GEMIN5: variants seen among roughly 807,000 people sequenced by gnomAD.
GEMIN5 encodes the protein gem-associated protein 5.
In GEMIN5, 124 loss-of-function variants were observed where a neutral mutation model predicts 176.9. The ratio of observed to expected loss-of-function variants is 0.70; its 90% CI spans 0.61 to 0.81. The LOEUF is 0.81. Ranked by LOEUF, GEMIN5 falls within the 40% of genes least tolerant of loss-of-function variation. The pLI is 0.00. For missense variants in GEMIN5, 1,843 were observed against 1,814.6 expected, an observed-to-expected ratio of 1.02 and a Z score of -0.28; for synonymous variants, 673 against 665.2, an observed-to-expected ratio of 1.01 and a Z score of -0.18.
At position 154,892,371 on chromosome 5, in the gene GEMIN5, G is replaced by A. The variant is rs372410062; in HGVS notation, c.3760+16C>T. ...TCCATTAAAGGGTGTGCCTCAGGCA[G>A]CAGGAAGTCACTTACCGTCAGGGAG... On this transcript the variant is annotated intron_variant, in intron 25 of 27. Coordinates refer to ENST00000285873, the MANE Select transcript of GEMIN5 (RefSeq NM_015465.5). 9.0e-5 allele frequency: 145 copies of A among 1,606,120 alleles called. No individual in the cohort carries two copies. Among genetic ancestry groups the A allele is most frequent in the Middle Eastern group, 1.7e-4 (1 of 6,060 alleles).
chr5:154,937,622 G>T (rs1764296668), intron 1 of GEMIN5, among the ~76,000 whole-genome samples: 1 of 152,208 alleles, frequency 6.6e-6, no homozygotes, highest in South Asian at 2.1e-4. Flanking sequence ...CTTGCTTAGG[G>T]CCTGCAGCTG....
Position 154,888,199 on chromosome 5 carries a change from T to C in GEMIN5, c.*11A>G. ...TTTCAATTTGGCAGTTTCTTCAAGG[T>C]GTGTGAAAATTCACATACAGAAGGT... On this transcript the variant is annotated 3_prime_UTR_variant, in exon 28 of 28. Coordinates refer to ENST00000285873, the MANE Select transcript of GEMIN5 (RefSeq NM_015465.5). 6.2e-7 allele frequency: 1 copy of C among 1,613,456 alleles called. No individual in the cohort carries two copies. The highest frequency in any genetic ancestry group is 8.5e-7 in the Non-Finnish European group (1 of 1,179,422).
chr5:154,913,066 C>A, intron 13 of GEMIN5, 28 bp from the exon 14 acceptor site: 1 of 1,566,046 alleles, frequency 6.4e-7, no homozygotes, highest in Non-Finnish European at 8.7e-7. Context: ...GACATCACTG[C>A]TGCTACTACT....
intron 23 of GEMIN5, 56 bp from the exon 24 acceptor site, chr5:154,896,399 C>CA: frequency 6.7e-7 from 1 of 1,492,434 alleles, no homozygotes; most frequent in Non-Finnish European, 8.9e-7. Flanking sequence ...ACTGGATGAT[C>CA]TCGAGAGCTC....
Position 154,899,312 on chromosome 5 carries a change from TA to T in GEMIN5, c.3015-3del. 1 of 1,610,208 alleles carries T rather than the reference TA, an allele frequency of 6.2e-7. No individual in the cohort carries two copies. The highest frequency in any genetic ancestry group is 8.5e-7 in the Non-Finnish European group (1 of 1,178,078). ...GCCTTGGCAATCGCAATAGCTTCCCTAAAGGCAAGAACAGACCCTTTAGCCA... is the reference window on the plus strand; with the variant it reads ...GCCTTGGCAATCGCAATAGCTTCCCTAAGGCAAGAACAGACCCTTTAGCCA... On this transcript the variant is annotated splice_polypyrimidine_tract_variant and splice_region_variant and intron_variant, in intron 21 of 27. Transcript: ENST00000285873.
Position 154,926,068 on chromosome 5 carries a change from AT to A in GEMIN5, c.1086del (p.Lys362AsnfsTer5). On this transcript the variant is annotated frameshift_variant, in exon 8 of 28. Coordinates refer to ENST00000285873, the MANE Select transcript of GEMIN5 (RefSeq NM_015465.5). LOFTEE classifies it high-confidence loss of function. ...LLSTSMDRDVKCWDIATLECS... is the reference protein window; with the variant it reads ...LLSTSMDRDVXCWDIATLECS... ...CACTCCAAGGTGGCTATGTCCCAAC[AT>A]TTTACCTGCAAAGATTAACGGTAAG... 2 of 1,606,064 alleles carry A rather than the reference AT, an allele frequency of 1.2e-6. No individual in the cohort carries two copies. The highest frequency in any genetic ancestry group is 8.5e-7 in the Non-Finnish European group (1 of 1,172,720).
chr5:154,928,410 T>C (rs1349163225), intron 6 of GEMIN5, 117 bp downstream of exon 6: 4 of 870,820 alleles, frequency 4.6e-6, no homozygotes, highest in African/African-American at 3.4e-5. Context: ...AATTTTTCCA[T>C]TTCAAATGGC....
At chr5:154,932,015 A>T (rs1254194551) in intron 4 of GEMIN5, 84 bp downstream of exon 4, 2 of 1,085,024 alleles carry the variant, frequency 1.8e-6, no homozygotes, top group East Asian at 5.0e-5. Flanking sequence ...CCAAAAATAA[A>T]TAATAAATAA....
intron 11 of GEMIN5, 80 bp from the exon 12 acceptor site, chr5:154,918,084 T>TAG: frequency 1.2e-6 from 1 of 868,932 alleles, no homozygotes; most frequent in Non-Finnish European, 1.9e-6. Context: ...AAAAAATCCC[T>TAG]AGAGTTTAAA....
At chr5:154,901,284 TAG>T in intron 21 of GEMIN5, 53 bp downstream of exon 21, 1 of 1,496,696 alleles carries the variant, frequency 6.7e-7, no homozygotes, top group Non-Finnish European at 9.2e-7. Context: ...TAGAGAAGTT[TAG>T]GTTATTTTCA....
intron 2 of GEMIN5, 62 bp downstream of exon 2, chr5:154,936,963 A>G (rs1304216338): frequency 6.7e-6 from 9 of 1,340,580 alleles, no homozygotes; most frequent in Non-Finnish European, 9.3e-6. Flanking sequence ...ACTAGCTTGC[A>G]ACAGAAGAAC....
intron 11 of GEMIN5, among the ~76,000 whole-genome samples, chr5:154,919,728 CTTT>C (rs1241420904): frequency 6.6e-6 from 1 of 151,964 alleles, no homozygotes; most frequent in Non-Finnish European, 1.5e-5. Flanking sequence ...TCTTTTTTGG[CTTT>C]TTTATTTTTT....
At chr5:154,888,493 GA>G in intron 27 of GEMIN5, 116 bp from the exon 28 acceptor site, 4 of 765,906 alleles carry the variant, frequency 5.2e-6, no homozygotes, top group Non-Finnish European at 8.5e-6. Flanking sequence ...GGACACAGCT[GA>G]GCCAGCTGTC....
At chr5:154,925,171 G>A (rs1465238347) in intron 8 of GEMIN5, among the ~76,000 whole-genome samples, 9 of 151,894 alleles carry the variant, frequency 5.9e-5, no homozygotes, top group African/African-American at 9.7e-5. Context: ...ATACACTGTC[G>A]AGTCGGAATA....
At position 154,887,534 on chromosome 5, in the gene GEMIN5, T is replaced by C. The variant is rs1763134948; in HGVS notation, c.*676A>G. 1 of 152,192 alleles carries C rather than the reference T, an allele frequency of 6.6e-6. No homozygotes were observed. The highest frequency in any genetic ancestry group is 1.5e-5 in the Non-Finnish European group (1 of 68,032). The allele number at this position is 152,192 out of a possible 1,614,324, so 9.4% of individuals were successfully genotyped here. A position where few individuals can be genotyped will look rare whatever the true frequency, so the allele number is the denominator to read the frequency against. ...AGCTATTTGACTGCCATCAATCCATTTGTTATAAAACTGAAGGGAAAACAC... is the reference window on the plus strand; with the variant it reads ...AGCTATTTGACTGCCATCAATCCATCTGTTATAAAACTGAAGGGAAAACAC... On this transcript the variant is annotated 3_prime_UTR_variant, in exon 28 of 28. Coordinates refer to ENST00000285873, the MANE Select transcript of GEMIN5 (RefSeq NM_015465.5).
At position 154,905,489 on chromosome 5, in the gene GEMIN5, G is replaced by T; in HGVS notation, c.2396-13C>A. The T allele has an allele frequency of 1.6e-6, 2 of 1,254,478 alleles. No individual in the cohort carries two copies. Among genetic ancestry groups the T allele is most frequent in the Non-Finnish European group, 2.3e-6 (2 of 882,024 alleles). The allele number at this position is 1,254,478 out of a possible 1,614,324, so 77.7% of individuals were successfully genotyped here. A position where few individuals can be genotyped will look rare whatever the true frequency, so the allele number is the denominator to read the frequency against. On this transcript the variant is annotated splice_polypyrimidine_tract_variant and intron_variant, in intron 16 of 27. Transcript: ENST00000285873. ...GGTTCTCTAGAAACTACATCATGGGGGAAAAAGGAAAAAAAAAGTTAAGGA... is the reference window on the plus strand; with the variant it reads ...GGTTCTCTAGAAACTACATCATGGGTGAAAAAGGAAAAAAAAAGTTAAGGA...
chr5:154,888,900 C>T lies in GEMIN5; in HGVS notation c.4359+421G>A, dbSNP rs138498500. On this transcript the variant is annotated intron_variant, in intron 27 of 27. Transcript: ENST00000285873. ...TGAGACAGAGTCTCGCTCTGTTGCC[C>T]AGGCTGGAGTGCAGTGGCGTGATCT... Among the ~76,000 whole-genome samples, 1,178 of 150,426 alleles carry T rather than the reference C, an allele frequency of 7.8e-3. 10 individuals carry two copies. Among genetic ancestry groups the T allele is most frequent in the African/African-American group, 0.028 (1,139 of 40,856 alleles).
At position 154,907,619 on chromosome 5, in the gene GEMIN5, C is replaced by A. The variant is rs570321703; in HGVS notation, c.2367G>T (p.Pro789=). Residue 789 remains proline, a synonymous_variant, in exon 16 of 28, where the codon CCG becomes CCT. Coordinates refer to ENST00000285873, the MANE Select transcript of GEMIN5 (RefSeq NM_015465.5). ...DQEGEEQARE[P]ELPCGLAPAV... ...CTGGAGCAAGGCCACAGGGTAATTC[C>A]GGCTCCCGTGCTTGCTCCTCCCCTT... 1.2e-6 allele frequency: 2 copies of A among 1,613,920 alleles called. No individual in the cohort carries two copies. Among genetic ancestry groups the A allele is most frequent in the Non-Finnish European group, 1.7e-6 (2 of 1,179,846 alleles).
At chr5:154,902,377 G>A (rs1320860956) in intron 20 of GEMIN5, among the ~76,000 whole-genome samples, 162 bp downstream of exon 20, 2 of 152,106 alleles carry the variant, frequency 1.3e-5, no homozygotes, top group Non-Finnish European at 2.9e-5. Context: ...TTTTTTCAAA[G>A]GGGTTGGGTT....
Sources: allele counts gnomAD v4.1 joint callset (sites outside exome capture counted in the v4.1 genomes callset), GRCh38; gene constraint gnomAD v4.1.1; transcripts MANE v1.5; gene names NCBI Gene and HGNC (gene_info 2026-07-23, HGNC 2026-07-21).